PHLPP1: variants seen among roughly 807,000 people sequenced by gnomAD.
PHLPP1 encodes PH domain and leucine rich repeat protein phosphatase 1, also known as PH domain leucine-rich repeat-containing protein phosphatase 1.
PHLPP1 carries 42 observed loss-of-function variants against 117.2 expected under a neutral mutation model. That is an observed-to-expected ratio of 0.36 (90% confidence interval 0.28 to 0.46). PHLPP1 has a LOEUF of 0.46. Among genes scored for constraint, PHLPP1 ranks in the 20% least tolerant of loss-of-function variants. PHLPP1 has a pLI of 1.00. For synonymous variants in PHLPP1, 1,042 were observed against 970.7 expected (o/e 1.07, Z -1.37); for missense variants, 2,084 against 2,241.9 (o/e 0.93, Z 1.42).
chr18:62,936,787 ACT>A (rs1909981505), intron 10 of PHLPP1, among the ~76,000 whole-genome samples: 1 of 152,232 alleles, frequency 6.6e-6, no homozygotes, highest in African/African-American at 2.4e-5. Context: ...AGATAATAAG[ACT>A]GATTGGAGAA....
intron 6 of PHLPP1, 102 bp downstream of exon 6, chr18:62,896,113 G>T (rs1916557109): frequency 3.0e-6 from 2 of 673,848 alleles, no homozygotes; most frequent in East Asian, 5.4e-5. Context: ...GTAATTGAAT[G>T]TGGGCCCGTT....
chr18:62,862,676 G>A (rs1370821594), intron 4 of PHLPP1, among the ~76,000 whole-genome samples: 1 of 152,132 alleles, frequency 6.6e-6, no homozygotes, highest in Non-Finnish European at 1.5e-5. Context: ...AATCAGATAA[G>A]TGTTTTCCTT....
intron 1 of PHLPP1, among the ~76,000 whole-genome samples, chr18:62,797,873 C>A (rs1913670777): frequency 6.6e-6 from 1 of 152,138 alleles, no homozygotes; most frequent in South Asian, 2.1e-4. Flanking sequence ...CACTATAAGA[C>A]TGACCATGAT....
chr18:62,725,840 C>T (rs1409962463), intron 1 of PHLPP1, among the ~76,000 whole-genome samples: 3 of 152,086 alleles, frequency 2.0e-5, no homozygotes, highest in Non-Finnish European at 2.9e-5. Context: ...AATTAATTCC[C>T]CAAAGATTAC....
intron 13 of PHLPP1, among the ~76,000 whole-genome samples, chr18:62,962,515 G>T (rs980933978): frequency 1.3e-5 from 2 of 152,184 alleles, no homozygotes; most frequent in Non-Finnish European, 2.9e-5. Context: ...CTCCATGTTG[G>T]TCAGGCTGAT....
chr18:62,924,675 T>TG lies in PHLPP1; in HGVS notation c.2960+4562dup, dbSNP rs1297706210. On this transcript the variant is annotated intron_variant, in intron 10 of 16. Transcript: ENST00000262719. Reference sequence around the variant, plus strand: ...ATGGCAAGACCCTGTCACTACAAATTGAAAAAAAAAAAAAAAAAAAAAAAG... The same window carrying TG: ...ATGGCAAGACCCTGTCACTACAAATTGGAAAAAAAAAAAAAAAAAAAAAAAG... Among the ~76,000 whole-genome samples the TG allele has an allele frequency of 3.7e-4, 20 of 54,048 alleles. 3 individuals carry two copies. The highest frequency in any genetic ancestry group is 6.5e-4 in the African/African-American group (10 of 15,474). The allele number at this position is 54,048 out of a possible 152,430, so 35.5% of individuals were successfully genotyped here. A position where few individuals can be genotyped will look rare whatever the true frequency, so the allele number is the denominator to read the frequency against.
intron 1 of PHLPP1, among the ~76,000 whole-genome samples, chr18:62,808,584 C>A (rs1914022546): frequency 7.4e-6 from 1 of 135,096 alleles, no homozygotes; most frequent in South Asian, 2.3e-4. Flanking sequence ...CGGAGTTTCA[C>A]TCTTGTCGCC....
chr18:62,953,939 A>C (rs1487332025), intron 12 of PHLPP1, among the ~76,000 whole-genome samples: 1 of 152,216 alleles, frequency 6.6e-6, no homozygotes, highest in Non-Finnish European at 1.5e-5. Flanking sequence ...ACAGGCAGCT[A>C]TTTGGCAGAT....
intron 2 of PHLPP1, chr18:62,838,464 T>A: frequency 5.1e-6 from 1 of 195,690 alleles, no homozygotes; most frequent in Middle Eastern, 2.0e-3. Flanking sequence ...TAAGTAAAAA[T>A]TCTAAGAGGA....
chr18:62,773,013 G>A (rs1392652474), intron 1 of PHLPP1, among the ~76,000 whole-genome samples: 1 of 151,798 alleles, frequency 6.6e-6, no homozygotes, highest in Non-Finnish European at 1.5e-5. Context: ...GTATGCTGAG[G>A]CCCAGTCAAG....
rs373185348 is a variant in PHLPP1, at chr18:62,978,563, T to G, written c.4286T>G (p.Phe1429Cys). The part of the protein sequence containing the change: ...VVQLSVTEDS[F>C]CCCELSAGGA... ...CAGCTCAGTGTCACTGAGGACAGCT[T>G]CTGCTGCTGCGAGCTCAGCGCCGGT... The change falls in exon 17 of 17, where the codon TTC becomes TGC. Residue 1429 changes from phenylalanine to cysteine, a missense_variant. Phe to Cys is a radical substitution (Grantham distance 205). Coordinates refer to ENST00000262719, the MANE Select transcript of PHLPP1 (RefSeq NM_194449.4). This position sits in a 1 kb window ranked among gnomAD's most constrained non-coding sequence, Gnocchi z 7.0. 129 of 1,612,844 alleles carry G rather than the reference T, an allele frequency of 8.0e-5. No individual in the cohort carries two copies. Among genetic ancestry groups the G allele is most frequent in the Non-Finnish European group, 9.7e-5 (115 of 1,179,502 alleles).
chr18:62,921,982 A>G (rs1432149649), intron 10 of PHLPP1, among the ~76,000 whole-genome samples: 3 of 152,254 alleles, frequency 2.0e-5, no homozygotes, highest in Non-Finnish European at 4.4e-5. Context: ...AACTGGAATA[A>G]TTATAAAGAA....
chr18:62,904,584 C>G (rs1916800979), intron 7 of PHLPP1, among the ~76,000 whole-genome samples: 1 of 152,162 alleles, frequency 6.6e-6, no homozygotes, highest in Admixed American at 6.5e-5. Context: ...AGTAAGGTAA[C>G]TGGAAGAGAG....
rs750563751 is a variant in PHLPP1 at position 62,716,400 on chromosome 18, C to T, written c.717C>T (p.His239=). The T allele has an allele frequency of 3.4e-5, 51 of 1,478,318 alleles. No individual in the cohort carries two copies. Among genetic ancestry groups the T allele is most frequent in the Non-Finnish European group, 4.2e-5 (47 of 1,118,766 alleles). The allele number at this position is 1,478,318 out of a possible 1,614,324, so 91.6% of individuals were successfully genotyped here. Residue 239 remains histidine (H), a synonymous_variant, in exon 1 of 17, where the codon CAC becomes CAT. Coordinates refer to ENST00000262719, the MANE Select transcript of PHLPP1 (RefSeq NM_194449.4). The surrounding 1 kb of genome is among the most constrained non-coding windows in gnomAD (Gnocchi z 5.7). The part of the protein sequence containing the change: ...EVAARLLQLG[H]KGGGVVKVLG... ...CCGCCCGCCTGCTGCAGCTGGGCCA[C>T]AAAGGCGGCGGCGTGGTGAAGGTGC...
Position 62,905,235 on chromosome 18 carries a change from C to G in PHLPP1, c.2659C>G (p.Leu887Val), listed in dbSNP as rs573515021. 7 of 1,539,370 alleles carry G rather than the reference C, an allele frequency of 4.5e-6. No individual in the cohort carries two copies. The African/African-American group carries it at 8.3e-5, about 18-fold the overall frequency. ...TTTTTTCTTCCTAGAACTTGTTCAA[C>G]TTGATGTTTACCCAGTTCCAAATTA... is the stretch of plus-strand genomic sequence containing the variant. ...LYASSNELVQ[L>V]DVYPVPNYLS... The change falls in exon 8 of 17, where the codon CTT becomes GTT. Residue 887 changes from leucine to valine, a missense_variant. Around this residue, in one of 2 missense-constraint regions of PHLPP1, gnomAD observed 1,365 missense variants for 1,605.9 expected, o/e 0.85. Coordinates refer to ENST00000262719, the MANE Select transcript of PHLPP1 (RefSeq NM_194449.4).
At chr18:62,868,621 CAAAAA>C (rs35943627) in intron 4 of PHLPP1, among the ~76,000 whole-genome samples, 2 of 67,242 alleles carry the variant, frequency 3.0e-5, no homozygotes, top group African/African-American at 4.9e-5. Flanking sequence ...GACTCTGTCT[CAAAAA>C]AAAAAAAAAA....
At chr18:62,952,810 G>A (rs565137257) in intron 12 of PHLPP1, among the ~76,000 whole-genome samples, 1 of 152,136 alleles carries the variant, frequency 6.6e-6, no homozygotes, top group Non-Finnish European at 1.5e-5. Flanking sequence ...TTTATGCGGA[G>A]ATGGTCTTGC....
At chr18:62,752,505 T>C (rs776941471) in intron 1 of PHLPP1, among the ~76,000 whole-genome samples, 1 of 152,222 alleles carries the variant, frequency 6.6e-6, no homozygotes, top group Non-Finnish European at 1.5e-5. Context: ...CAAATAGATA[T>C]GCAGATAAAG....
chr18:62,733,269 G>C (rs758567693), intron 1 of PHLPP1, among the ~76,000 whole-genome samples: 2 of 152,194 alleles, frequency 1.3e-5, no homozygotes, highest in Non-Finnish European at 2.9e-5. Flanking sequence ...CATCAACATT[G>C]AGGCTAGACC....
Sources: gnomAD v4.1 joint callset for allele counts (sites outside exome capture counted in the v4.1 genomes callset) on GRCh38, gnomAD v4.1.1 for gene constraint, gnomAD v4.1.1 regional missense constraint, Gnocchi (gnomAD v3.1) non-coding constraint, MANE v1.5 for transcripts, NCBI Gene and HGNC (gene_info 2026-07-23, HGNC 2026-07-21) for gene names.